Variants in SPHKAP observed in about 807,000 individuals in gnomAD.
SPHKAP encodes SPHK1 interactor, AKAP domain containing.
A neutral mutation model predicts 137.5 loss-of-function variants in SPHKAP; 67 were observed. The observed-to-expected ratio is 0.49, with a 90% CI of 0.40 to 0.60. SPHKAP has a LOEUF of 0.60. Among genes scored for constraint, SPHKAP ranks in the 20% least tolerant of loss-of-function variants. The pLI, the probability that SPHKAP is intolerant of heterozygous loss-of-function variation, is 0.00. For missense variants in SPHKAP, 2,097 were observed against 2,069.3 expected (o/e 1.01, Z -0.26); for synonymous variants, 813 against 785.3 (o/e 1.04, Z -0.59).
chr2:228,095,324 G>A (rs1039136311), intron 3 of SPHKAP, among the ~76,000 whole-genome samples: 1 of 152,150 alleles, frequency 6.6e-6, no homozygotes, highest in Non-Finnish European at 1.5e-5. Context: ...GGCAGTGAGC[G>A]AGAAGCAACC....
chr2:228,080,103 A>G (rs1697312408), intron 3 of SPHKAP, among the ~76,000 whole-genome samples: 1 of 152,152 alleles, frequency 6.6e-6, no homozygotes, highest in Non-Finnish European at 1.5e-5. Flanking sequence ...AGCATAGGTA[A>G]CAAAAGCAAA....
At chr2:228,159,224 A>T (rs569878788) in intron 1 of SPHKAP, among the ~76,000 whole-genome samples, 1 of 152,310 alleles carries the variant, frequency 6.6e-6, no homozygotes, top group African/African-American at 2.4e-5. Flanking sequence ...GAAAGACTTT[A>T]TTTGAGGCTA....
chr2:228,132,555 T>C (rs1699286847), intron 1 of SPHKAP: 2 of 901,816 alleles, frequency 2.2e-6, no homozygotes, highest in South Asian at 1.0e-4. Flanking sequence ...CTTTAGAAAA[T>C]GCAGGTAATG....
chr2:228,004,430 T>C (rs1393704185), intron 7 of SPHKAP, among the ~76,000 whole-genome samples: 1 of 152,156 alleles, frequency 6.6e-6, no homozygotes, highest in Non-Finnish European at 1.5e-5. Context: ...TTTTTTATTA[T>C]GTCTATTCGA....
At chr2:228,041,663 A>G (rs1695853936) in intron 3 of SPHKAP, among the ~76,000 whole-genome samples, 1 of 150,138 alleles carries the variant, frequency 6.7e-6, no homozygotes, top group Non-Finnish European at 1.5e-5. Context: ...AAAAAAAAAA[A>G]AAGAAAAAAG....
intron 11 of SPHKAP, among the ~76,000 whole-genome samples, chr2:227,989,617 C>T (rs1283651051): frequency 6.6e-6 from 1 of 151,982 alleles, no homozygotes; most frequent in Non-Finnish European, 1.5e-5. Context: ...CACACTTATT[C>T]TTTTTTGAGA....
chr2:228,018,048 T>G lies in SPHKAP; in HGVS notation c.2806A>C (p.Thr936Pro), dbSNP rs756431061. ...ITDFAEELAD[T>P]VVSMATEIAA... is the part of the protein sequence containing the mutation. ...ATTTCAGTTGCCATGGAGACGACCG[T>G]GTCTGCTAATTCTTCCGCAAAGTCT... The change falls in exon 7 of 12, where the codon ACG (threonine) becomes CCG (proline). Residue 936 changes from threonine to proline, a missense_variant. Transcript: ENST00000392056. 1.2e-6 allele frequency: 2 copies of G among 1,614,182 alleles called. No individual in the cohort carries two copies. Among genetic ancestry groups the G allele is most frequent in the East Asian group, 2.2e-5 (1 of 44,858 alleles).
intron 3 of SPHKAP, among the ~76,000 whole-genome samples, chr2:228,065,533 G>C (rs1480042481): frequency 6.6e-6 from 1 of 152,164 alleles, no homozygotes; most frequent in Non-Finnish European, 1.5e-5. Flanking sequence ...GCTATAAAAG[G>C]GGGCACTGAG....
At chr2:228,153,827 G>A (rs542319934) in intron 1 of SPHKAP, among the ~76,000 whole-genome samples, 1 of 152,224 alleles carries the variant, frequency 6.6e-6, no homozygotes, top group South Asian at 2.1e-4. Flanking sequence ...TTATCTGACA[G>A]TGTTGGGAAA....
At chr2:227,985,272 T>C (rs568107836) in intron 11 of SPHKAP, among the ~76,000 whole-genome samples, 1 of 152,300 alleles carries the variant, frequency 6.6e-6, no homozygotes, top group East Asian at 1.9e-4. Flanking sequence ...GAGCATGCTC[T>C]GAGGCCGTGA....
chr2:228,040,873 A>G (rs1695811976), intron 3 of SPHKAP, among the ~76,000 whole-genome samples: 1 of 152,224 alleles, frequency 6.6e-6, no homozygotes, highest in African/African-American at 2.4e-5. Context: ...TTTACTAGAT[A>G]TGTAACACAT....
chr2:228,133,982 A>T (rs1039844557), intron 1 of SPHKAP, among the ~76,000 whole-genome samples: 1 of 152,144 alleles, frequency 6.6e-6, no homozygotes, highest in East Asian at 1.9e-4. Flanking sequence ...CCTAATGCAC[A>T]TGAAAGGATA....
At position 227,991,193 on chromosome 2, in the gene SPHKAP, A is replaced by G; in HGVS notation, c.4775-9T>C. On this transcript the variant is annotated splice_polypyrimidine_tract_variant and intron_variant, in intron 10 of 11. Transcript: ENST00000392056. ...CGGTCCAGATGCAGGTGCTGAGAAC[A>G]GACACAACCACAGCCTTATCCTTCT... 6.2e-7 allele frequency: 1 copy of G among 1,614,136 alleles called. No homozygotes were observed.
At chr2:228,156,002 G>A (rs975390074) in intron 1 of SPHKAP, among the ~76,000 whole-genome samples, 6 of 152,152 alleles carry the variant, frequency 3.9e-5, no homozygotes, top group Non-Finnish European at 7.3e-5. Flanking sequence ...AACTGAATGT[G>A]TCCTATATAG....
At chr2:228,121,889 G>A (rs1330456368) in intron 2 of SPHKAP, among the ~76,000 whole-genome samples, 1 of 152,144 alleles carries the variant, frequency 6.6e-6, no homozygotes, top group Non-Finnish European at 1.5e-5. Flanking sequence ...AATCAGAAGG[G>A]TGAGTCTGGC....
chr2:228,134,240 GGA>G (rs1699364627), intron 1 of SPHKAP, among the ~76,000 whole-genome samples: 4 of 96,148 alleles, frequency 4.2e-5, no homozygotes, highest in East Asian at 2.3e-4. Context: ...GAGGGAGGAA[GGA>G]AGGAAGGAAG....
At chr2:228,141,460 T>C (rs1371661341) in intron 1 of SPHKAP, among the ~76,000 whole-genome samples, 1 of 152,192 alleles carries the variant, frequency 6.6e-6, no homozygotes, top group Admixed American at 6.5e-5. Context: ...TTGATAGGTT[T>C]TCAGCACATT....
At position 228,019,543 on chromosome 2, in the gene SPHKAP, A is replaced by G. The variant is rs1411120713; in HGVS notation, c.1311T>C (p.Asp437=). 25 of 1,614,092 alleles carry G rather than the reference A, an allele frequency of 1.5e-5. No individual in the cohort carries two copies. Among genetic ancestry groups the G allele is most frequent in the East Asian group, 6.7e-5 (3 of 44,884 alleles). The change falls in exon 7 of 12, where the codon GAT becomes GAC. Residue 437 remains aspartate (D), a synonymous_variant. Coordinates refer to ENST00000392056, the MANE Select transcript of SPHKAP (RefSeq NM_001142644.2). ...SLLPSCYSTK[D]TVVSRSWNEL... is the part of the protein sequence containing the mutation. ...CATTCCATGACCGAGAAACCACTGT[A>G]TCTTTTGTGGAATAGCAACTGGGAA...
At chr2:228,141,313 A>G (rs1699600782) in intron 1 of SPHKAP, among the ~76,000 whole-genome samples, 1 of 152,190 alleles carries the variant, frequency 6.6e-6, no homozygotes, top group South Asian at 2.1e-4. Context: ...AAGCTTTGTC[A>G]TGAGATGGTT....
Sources: allele counts gnomAD v4.1 joint callset (sites outside exome capture counted in the v4.1 genomes callset), GRCh38; gene constraint gnomAD v4.1.1; transcripts MANE v1.5; gene names NCBI Gene and HGNC (gene_info 2026-07-23, HGNC 2026-07-21).